GRID2: variants seen among roughly 807,000 people sequenced by gnomAD.
The protein encoded by GRID2 is glutamate receptor ionotropic, delta-2.
A neutral mutation model predicts 114.8 loss-of-function variants in GRID2; 33 were observed. The ratio of observed to expected loss-of-function variants is 0.29; its 90% CI spans 0.22 to 0.38. The LOEUF is 0.38. Ranked by LOEUF, GRID2 falls within the 10% of genes least tolerant of loss-of-function variation. GRID2 has a pLI of 1.00. For missense variants in GRID2, 1,184 were observed against 1,257.7 expected (o/e 0.94, Z 0.89); for synonymous variants, 505 against 449.9 (o/e 1.12, Z -1.55).
At chr4:92,710,217 G>T (rs892106410) in intron 2 of GRID2, among the ~76,000 whole-genome samples, 2 of 152,068 alleles carry the variant, frequency 1.3e-5, no homozygotes, top group Admixed American at 1.3e-4. Context: ...ATGTGCAACT[G>T]ATATGGACAA....
intron 2 of GRID2, among the ~76,000 whole-genome samples, chr4:92,941,515 A>G (rs1288772653): frequency 6.6e-6 from 1 of 152,050 alleles, no homozygotes; most frequent in African/African-American, 2.4e-5. Flanking sequence ...TTTTCAAAAA[A>G]CCAGCTCCTG....
intron 2 of GRID2, among the ~76,000 whole-genome samples, chr4:93,072,097 G>A (rs772376946): frequency 3.3e-5 from 5 of 152,052 alleles, no homozygotes; most frequent in African/African-American, 7.2e-5. Context: ...TAATCAAGGA[G>A]CAAACTTCCT....
intron 9 of GRID2, among the ~76,000 whole-genome samples, chr4:93,401,968 C>A (rs1274841851): frequency 1.3e-5 from 2 of 149,372 alleles, no homozygotes; most frequent in Non-Finnish European, 3.0e-5. Flanking sequence ...ATATGGGCAC[C>A]AGAGTCTTAA....
chr4:93,535,231 TACACACACACACACACACAC>T (rs141785727), intron 13 of GRID2, among the ~76,000 whole-genome samples: 1 of 142,186 alleles, frequency 7.0e-6, no homozygotes, highest in Non-Finnish European at 1.6e-5. Flanking sequence ...CACATACACA[TACACACACACACACACACAC>T]ACACACACAC....
At chr4:92,929,298 G>A (rs1750053453) in intron 2 of GRID2, among the ~76,000 whole-genome samples, 1 of 151,188 alleles carries the variant, frequency 6.6e-6, no homozygotes, top group Admixed American at 6.6e-5. Context: ...GTAAACATAT[G>A]TGGATACAGA....
At chr4:93,650,101 G>T (rs1722456052) in intron 14 of GRID2, among the ~76,000 whole-genome samples, 1 of 151,888 alleles carries the variant, frequency 6.6e-6, no homozygotes, top group South Asian at 2.1e-4. Flanking sequence ...ACTTCCTCTG[G>T]TTAACTCCTG....
intron 4 of GRID2, among the ~76,000 whole-genome samples, chr4:93,139,266 G>T (rs1735545264): frequency 6.6e-6 from 1 of 152,166 alleles, no homozygotes; most frequent in South Asian, 2.1e-4. Context: ...AGGAAAGACA[G>T]CTCTGTAGTA....
At chr4:93,187,928 G>T (rs552554521) in intron 4 of GRID2, among the ~76,000 whole-genome samples, 1 of 152,240 alleles carries the variant, frequency 6.6e-6, no homozygotes, top group Non-Finnish European at 1.5e-5. Flanking sequence ...GTCAAGCATC[G>T]GGCCCCCAAG....
chr4:93,797,276 G>A (rs1312881993), intron 1 of GRID2, among the ~76,000 whole-genome samples: 1 of 151,964 alleles, frequency 6.6e-6, no homozygotes, highest in Non-Finnish European at 1.5e-5. Flanking sequence ...TATTTTTTGA[G>A]GTTTTATAAG....
At chr4:92,726,285 A>C (rs2149320954) in intron 2 of GRID2, among the ~76,000 whole-genome samples, 1 of 152,256 alleles carries the variant, frequency 6.6e-6, no homozygotes, top group South Asian at 2.1e-4. Flanking sequence ...GCAGGCATTA[A>C]GTTTATTACA....
chr4:93,189,400 G>A (rs755823838), intron 4 of GRID2, among the ~76,000 whole-genome samples: 1 of 151,972 alleles, frequency 6.6e-6, no homozygotes, highest in Non-Finnish European at 1.5e-5. Context: ...CCTCACATTT[G>A]TTTATAAGTT....
At position 93,170,381 on chromosome 4, in the gene GRID2, G is replaced by C. The variant is rs185104456; in HGVS notation, c.736-37023G>C. Among the ~76,000 whole-genome samples the C allele has an allele frequency of 1.3e-3, 202 of 151,694 alleles. 2 individuals carry two copies. The East Asian group carries it at 0.017, about 13-fold the overall frequency. On this transcript the variant is annotated intron_variant, in intron 4 of 15. Transcript: ENST00000282020. ...TTACAGGCATGAACCACTGTGCTGG[G>C]CCCCCCCCTTTTTTAATTGTAATAA...
intron 14 of GRID2, among the ~76,000 whole-genome samples, chr4:93,716,317 C>T (rs1029794852): frequency 7.9e-5 from 12 of 152,022 alleles, no homozygotes; most frequent in African/African-American, 2.2e-4. Flanking sequence ...AAAATAATTA[C>T]GTATTAAAAT....
intron 2 of GRID2, among the ~76,000 whole-genome samples, chr4:92,607,609 A>G (rs1338172628): frequency 6.6e-6 from 1 of 151,938 alleles, no homozygotes. Flanking sequence ...TGCATCTCAT[A>G]TCTTTTTGTT....
At chr4:92,328,801 G>A (rs1726727723) in intron 1 of GRID2, among the ~76,000 whole-genome samples, 1 of 152,008 alleles carries the variant, frequency 6.6e-6, no homozygotes, top group Non-Finnish European at 1.5e-5. Flanking sequence ...TCTTTTAGGA[G>A]TGTGCTTTTC....
intron 8 of GRID2, among the ~76,000 whole-genome samples, chr4:93,297,949 A>T (rs1048582030): frequency 6.6e-6 from 1 of 152,278 alleles, no homozygotes; most frequent in African/African-American, 2.4e-5. Flanking sequence ...TTTTTTCTAT[A>T]CTGTACCATG....
intron 3 of GRID2, among the ~76,000 whole-genome samples, chr4:93,108,352 T>G (rs1015155119): frequency 5.3e-5 from 8 of 152,294 alleles, no homozygotes; most frequent in Non-Finnish European, 2.9e-5. Context: ...GTGTCTAATA[T>G]TCAACAAATG....
chr4:92,728,274 A>T (rs1392129368), intron 2 of GRID2, among the ~76,000 whole-genome samples: 1 of 152,112 alleles, frequency 6.6e-6, no homozygotes, highest in East Asian at 1.9e-4. Context: ...CAAATGTTAC[A>T]GCTGAAAACA....
chr4:92,768,387 A>G (rs1356084051), intron 2 of GRID2, among the ~76,000 whole-genome samples: 2 of 152,232 alleles, frequency 1.3e-5, no homozygotes, highest in African/African-American at 2.4e-5. Flanking sequence ...TTAATGCCAC[A>G]TGGTTGTTCT....
Sources: allele counts gnomAD v4.1 joint callset (sites outside exome capture counted in the v4.1 genomes callset), GRCh38; gene constraint gnomAD v4.1.1; transcripts MANE v1.5; gene names NCBI Gene and HGNC (gene_info 2026-07-23, HGNC 2026-07-21).